Variants in USP32 observed in about 807,000 individuals in gnomAD.
The protein encoded by USP32 is ubiquitin carboxyl-terminal hydrolase 32.
USP32 carries 59 observed loss-of-function variants against 204.8 expected under a neutral mutation model. The observed-to-expected ratio is 0.29, with a 90% CI of 0.23 to 0.36. USP32 has a LOEUF of 0.36. Among genes scored for constraint, USP32 ranks in the 10% least tolerant of loss-of-function variants. USP32 has a pLI of 1.00. For synonymous variants in USP32, 517 were observed against 678.4 expected (o/e 0.76, Z 3.70); for missense variants, 1,160 against 1,946.4 (o/e 0.60, Z 7.60).
At chr17:60,381,376 G>A (rs1456386226) in intron 1 of USP32, among the ~76,000 whole-genome samples, 3 of 151,896 alleles carry the variant, frequency 2.0e-5, no homozygotes, top group South Asian at 2.1e-4. Context: ...AGGAAGTAGA[G>A]GCTGCAGTGA....
At chr17:60,271,221 C>T in intron 6 of USP32, 129 bp downstream of exon 6, 1 of 1,190,482 alleles carries the variant, frequency 8.4e-7, no homozygotes, top group Non-Finnish European at 1.2e-6. Flanking sequence ...TTTGTTTTTC[C>T]CCACTCCATT....
intron 26 of USP32, among the ~76,000 whole-genome samples, chr17:60,203,396 CA>C (rs554691150): frequency 0.051 from 1,239 of 24,338 alleles, 3 homozygotes; most frequent in African/African-American, 0.14. Flanking sequence ...GCGAGACTGT[CA>C]AAAAAAAAAA....
rs919572620 is a variant in USP32, at chr17:60,332,515, G to T, written c.186+12966C>A. On this transcript the variant is annotated intron_variant, in intron 2 of 33. Transcript: ENST00000300896. ...ATAAAAAAATTAGCTGGGCGTGGTG[G>T]TGGGCGCCTGTGATCCCAGCTACTC... Among the ~76,000 whole-genome samples the T allele has an allele frequency of 2.0e-5, 3 of 152,186 alleles. No individual in the cohort carries two copies. The South Asian group carries it at 6.2e-4, about 32-fold the overall frequency.
intron 5 of USP32, among the ~76,000 whole-genome samples, chr17:60,278,405 A>C (rs528447244): frequency 6.6e-6 from 1 of 152,036 alleles, no homozygotes. Context: ...GAGCACATAC[A>C]TGGGTAGGCC....
intron 2 of USP32, among the ~76,000 whole-genome samples, chr17:60,327,693 A>G (rs904885586): frequency 2.0e-5 from 3 of 152,190 alleles, no homozygotes; most frequent in Admixed American, 6.5e-5. Flanking sequence ...CAGGACCTGG[A>G]CATCTCTGGA....
chr17:60,365,415 A>G (rs2089292959), intron 1 of USP32, among the ~76,000 whole-genome samples: 1 of 152,168 alleles, frequency 6.6e-6, no homozygotes, highest in African/African-American at 2.4e-5. Flanking sequence ...CAGAAGGTGA[A>G]GGTTGCAGTG....
At chr17:60,179,720 G>C (rs1383802816) in intron 33 of USP32, among the ~76,000 whole-genome samples, 1 of 152,174 alleles carries the variant, frequency 6.6e-6, no homozygotes, top group Non-Finnish European at 1.5e-5. Context: ...CACCAGGCTG[G>C]TGTGCACTGG....
intron 1 of USP32, among the ~76,000 whole-genome samples, chr17:60,379,307 G>C: frequency 1.3e-5 from 2 of 152,122 alleles, no homozygotes; most frequent in Non-Finnish European, 2.9e-5. Flanking sequence ...AACTGTGAAG[G>C]ACTTAGTAAA....
At chr17:60,185,705 G>A (rs753411555) in intron 29 of USP32, 54 bp from the exon 30 acceptor site, 38 of 1,565,280 alleles carry the variant, frequency 2.4e-5, no homozygotes, top group Non-Finnish European at 3.3e-5. Context: ...ATTTAAAGTG[G>A]TGATCTAGGT....
At chr17:60,358,785 A>AG (rs2089143486) in intron 1 of USP32, among the ~76,000 whole-genome samples, 6 of 152,196 alleles carry the variant, frequency 3.9e-5, no homozygotes, top group Admixed American at 3.9e-4. Context: ...GTGCTTCGCA[A>AG]GGTTTTGATA....
intron 2 of USP32, among the ~76,000 whole-genome samples, chr17:60,310,170 T>C (rs2087821342): frequency 6.6e-6 from 1 of 152,218 alleles, no homozygotes; most frequent in African/African-American, 2.4e-5. Context: ...TTGTGTAAAT[T>C]AGAACAGCTA....
chr17:60,205,582 G>A lies in USP32; in HGVS notation c.3114C>T (p.Ile1038=), dbSNP rs778416234. The part of the protein sequence containing the change: ...TNGDLPRPIF[I]PNGMPNTVVP... Reference sequence around the variant, plus strand: ...CAACAGTGTTTGGCATTCCATTGGGGATGAATATTGGTCGGGGTAGGTCCC... The same window carrying A: ...CAACAGTGTTTGGCATTCCATTGGGAATGAATATTGGTCGGGGTAGGTCCC... The change falls in exon 26 of 34, where the codon ATC becomes ATT. Residue 1038 remains isoleucine (I), a synonymous_variant. Transcript: ENST00000300896. 2 of 1,613,946 alleles carry A rather than the reference G, an allele frequency of 1.2e-6. No homozygotes were observed. The highest frequency in any genetic ancestry group is 3.3e-5 in the Admixed American group (2 of 60,020).
chr17:60,191,648 T>C (rs1245077579), intron 28 of USP32, among the ~76,000 whole-genome samples: 1 of 151,528 alleles, frequency 6.6e-6, no homozygotes, highest in African/African-American at 2.4e-5. Context: ...TAGCTGGGAC[T>C]ACAGGTGCCC....
At chr17:60,392,292 G>C (rs1279526355), upstream of USP32, 1 of 364,406 alleles carries the variant, frequency 2.7e-6, no homozygotes, top group Non-Finnish European at 5.1e-6. Flanking sequence ...CACTGTTCCC[G>C]GTAACGGCCG....
intron 11 of USP32, among the ~76,000 whole-genome samples, chr17:60,238,803 C>CA (rs562875704): frequency 0.059 from 5,624 of 95,606 alleles, 207 homozygotes; most frequent in African/African-American, 0.13. Context: ...GACTCCATCT[C>CA]AAAAAAAAAA....
At chr17:60,320,851 G>A (rs1300632855) in intron 2 of USP32, among the ~76,000 whole-genome samples, 1 of 152,146 alleles carries the variant, frequency 6.6e-6, no homozygotes. Context: ...TCACATGCAG[G>A]TTCCAGGAAC....
rs116217151 is a variant in USP32, at chr17:60,230,345, T to C, written c.1240-4114A>G. On this transcript the variant is annotated intron_variant, in intron 12 of 33. Coordinates refer to ENST00000300896, the MANE Select transcript of USP32 (RefSeq NM_032582.4). ...ATTCCTGTAATAATGCTTCTCATTC[T>C]GAAGAGCTCAGTCCATAGGTTAAAT... 1.4e-3 allele frequency among the ~76,000 whole-genome samples: 216 copies of C among 152,338 alleles called. 1 individual carries two copies. The highest frequency in any genetic ancestry group is 4.8e-3 in the African/African-American group (200 of 41,590).
chr17:60,371,253 TAAAAAAAA>T (rs373242290), intron 1 of USP32, among the ~76,000 whole-genome samples: 103 of 66,272 alleles, frequency 1.6e-3, no homozygotes, highest in African/African-American at 4.2e-3. Flanking sequence ...CTCTAAAAAT[TAAAAAAAA>T]AAAAAAAAAA....
chr17:60,359,927 G>A (rs1297027965), intron 1 of USP32, among the ~76,000 whole-genome samples: 1 of 151,394 alleles, frequency 6.6e-6, no homozygotes, highest in African/African-American at 2.4e-5. Context: ...GAGTACAGTG[G>A]CGCAGTCTCG....
Sources: allele counts gnomAD v4.1 joint callset (sites outside exome capture counted in the v4.1 genomes callset), GRCh38; gene constraint gnomAD v4.1.1; transcripts MANE v1.5; gene names NCBI Gene and HGNC (gene_info 2026-07-23, HGNC 2026-07-21).